Variants in PDE12 observed in about 807,000 individuals in gnomAD.
PDE12 encodes the protein 2',5'-phosphodiesterase 12.
A neutral mutation model predicts 45.4 loss-of-function variants in PDE12; 26 were observed. The ratio of observed to expected loss-of-function variants is 0.57; its 90% CI spans 0.42 to 0.79. The LOEUF is 0.79. Among genes scored for constraint, PDE12 ranks in the 30% least tolerant of loss-of-function variants. The pLI, the probability that PDE12 is intolerant of heterozygous loss-of-function variation, is 0.00. For synonymous variants in PDE12, 283 were observed against 323.9 expected, an observed-to-expected ratio of 0.87 and a Z score of 1.36; for missense variants, 668 against 790.0, an observed-to-expected ratio of 0.85 and a Z score of 1.85.
chr3:57,580,463 G>A, the PDE12 span, among the ~76,000 whole-genome samples: 12 of 151,998 alleles, frequency 7.9e-5, no homozygotes, highest in South Asian at 4.2e-4. Context: ...GTACAGAGGC[G>A]CAACTGTAGC....
At chr3:57,618,730 T>A in the PDE12 span, among the ~76,000 whole-genome samples, 4 of 146,136 alleles carry the variant, frequency 2.7e-5, no homozygotes, top group South Asian at 9.4e-4. Flanking sequence ...TGCCTCAGCC[T>A]CCTGAGTAGC....
chr3:57,585,800 T>C, the PDE12 span, among the ~76,000 whole-genome samples: 11 of 151,896 alleles, frequency 7.2e-5, no homozygotes, highest in African/African-American at 2.4e-4. Flanking sequence ...GTAACTGGGA[T>C]TACAGGTGCG....
the PDE12 span, among the ~76,000 whole-genome samples, chr3:57,615,121 C>T: frequency 6.6e-6 from 1 of 151,960 alleles, no homozygotes; most frequent in Non-Finnish European, 1.5e-5. Context: ...CCGTGTTGTC[C>T]AGGCTGGTCT....
chr3:57,596,897 G>T, the PDE12 span: 5 of 611,938 alleles, frequency 8.2e-6, no homozygotes, highest in South Asian at 9.8e-5. Context: ...GATCGGGGGC[G>T]GGGGGGATCG....
At chr3:57,607,980 C>G in the PDE12 span, among the ~76,000 whole-genome samples, 4 of 152,054 alleles carry the variant, frequency 2.6e-5, no homozygotes, top group Non-Finnish European at 5.9e-5. Context: ...TTAAGGGCAG[C>G]CAGAGAGAAA....
At chr3:57,595,700 G>A in the PDE12 span, among the ~76,000 whole-genome samples, 2 of 152,142 alleles carry the variant, frequency 1.3e-5, no homozygotes. Flanking sequence ...TGTAATCCCA[G>A]CACTCTGGGA....
At chr3:57,634,330 G>A in the PDE12 span, among the ~76,000 whole-genome samples, 1 of 151,622 alleles carries the variant, frequency 6.6e-6, no homozygotes, top group African/African-American at 2.4e-5. Context: ...CTGCTCAGGA[G>A]GCTGAGGCAT....
At chr3:57,631,190 A>G in the PDE12 span, 66 of 531,926 alleles carry the variant, frequency 1.2e-4, no homozygotes, top group African/African-American at 1.3e-3. Context: ...TAGATAAACC[A>G]AGGGGACTAC....
At chr3:57,602,889 A>C in the PDE12 span, among the ~76,000 whole-genome samples, 1 of 152,160 alleles carries the variant, frequency 6.6e-6, no homozygotes, top group South Asian at 2.1e-4. Flanking sequence ...AGCATTTATA[A>C]AAGTTTCCCA....
At chr3:57,605,843 GTC>G in the PDE12 span, among the ~76,000 whole-genome samples, 1 of 152,034 alleles carries the variant, frequency 6.6e-6, no homozygotes, top group Non-Finnish European at 1.5e-5. Flanking sequence ...TAAAAACAAT[GTC>G]TGAGATGAAA....
the PDE12 span, chr3:57,619,447 A>T: frequency 6.6e-6 from 1 of 152,312 alleles, no homozygotes; most frequent in African/African-American, 2.4e-5. Context: ...GAATATCTAC[A>T]TGTTGTATGA....
At chr3:57,655,138 A>G in the PDE12 span, among the ~76,000 whole-genome samples, 2 of 151,982 alleles carry the variant, frequency 1.3e-5, no homozygotes, top group Non-Finnish European at 2.9e-5. Flanking sequence ...GGTTCAAGCA[A>G]TTCTCCTGCC....
chr3:57,642,519 G>A, the PDE12 span, among the ~76,000 whole-genome samples: 1 of 152,002 alleles, frequency 6.6e-6, no homozygotes, highest in Non-Finnish European at 1.5e-5. Context: ...TGGCCTGTCT[G>A]TAGAACTACA....
chr3:57,640,758 C>T, the PDE12 span, among the ~76,000 whole-genome samples: 3 of 151,940 alleles, frequency 2.0e-5, no homozygotes, highest in Non-Finnish European at 4.4e-5. Context: ...ATTACTACGC[C>T]CAAACCATGA....
At chr3:57,625,996 G>GAA in the PDE12 span, 2 of 152,440 alleles carry the variant, frequency 1.3e-5, no homozygotes. Context: ...ATACCTTTTT[G>GAA]AAAAATAATA....
chr3:57,572,136 G>T, the PDE12 span: 1 of 1,159,184 alleles, frequency 8.6e-7, no homozygotes, highest in Admixed American at 1.7e-5. Context: ...TAATAACCAA[G>T]ATACAAACTA....
chr3:57,644,856 A>G, the PDE12 span, among the ~76,000 whole-genome samples: 1 of 144,350 alleles, frequency 6.9e-6, no homozygotes. Context: ...CAGGGCAATG[A>G]TATGCCCACT....
the PDE12 span, chr3:57,577,279 C>A: frequency 1.9e-6 from 3 of 1,552,290 alleles, no homozygotes; most frequent in Non-Finnish European, 2.7e-6. Context: ...CAGAAAAGCA[C>A]ACCTTGAAAA....
the PDE12 span, chr3:57,630,494 C>A: frequency 5.0e-6 from 8 of 1,590,376 alleles, no homozygotes; most frequent in Non-Finnish European, 6.8e-6. Flanking sequence ...CTTAAACCAG[C>A]CATCAAAATT....
Sources: gnomAD v4.1 joint callset for allele counts (sites outside exome capture counted in the v4.1 genomes callset) on GRCh38, gnomAD v4.1.1 for gene constraint, MANE v1.5 for transcripts, NCBI Gene and HGNC (gene_info 2026-07-23, HGNC 2026-07-21) for gene names.